Variants in EXT1 observed in about 807,000 individuals in gnomAD.
EXT1 encodes the protein exostosin glycosyltransferase 1.
A neutral mutation model predicts 82.5 loss-of-function variants in EXT1; 20 were observed. The observed-to-expected ratio is 0.24, with a 90% CI of 0.17 to 0.35. EXT1 has a LOEUF of 0.35. EXT1 is among the 10% of genes least tolerant of loss of function. The pLI, the probability that EXT1 is intolerant of heterozygous loss-of-function variation, is 1.00. For synonymous variants in EXT1, 348 were observed against 350.8 expected (o/e 0.99, Z 0.09); for missense variants, 757 against 936.5 (o/e 0.81, Z 2.50).
At chr8:118,058,660 T>C (rs1816833169) in intron 1 of EXT1, among the ~76,000 whole-genome samples, 1 of 152,168 alleles carries the variant, frequency 6.6e-6, no homozygotes, top group Admixed American at 6.5e-5. Context: ...ACTTTTTCCA[T>C]AAAATTTTCC....
intron 1 of EXT1, among the ~76,000 whole-genome samples, chr8:117,963,941 C>A (rs181093942): frequency 3.3e-5 from 5 of 152,136 alleles, no homozygotes; most frequent in African/African-American, 1.2e-4. Context: ...CAACCCACAT[C>A]CCCTCCCAAC....
At chr8:118,044,636 A>G (rs190298282) in intron 1 of EXT1, among the ~76,000 whole-genome samples, 202 of 152,144 alleles carry the variant, frequency 1.3e-3, no homozygotes, top group Admixed American at 3.4e-3. Flanking sequence ...CGAACTCCCA[A>G]CCTCAGGTGA....
At chr8:117,884,566 C>T (rs1813115329) in intron 1 of EXT1, among the ~76,000 whole-genome samples, 1 of 152,192 alleles carries the variant, frequency 6.6e-6, no homozygotes, top group South Asian at 2.1e-4. Flanking sequence ...ACACATCCTG[C>T]TTCAAATTAC....
chr8:117,960,847 C>T (rs568090349), intron 1 of EXT1, among the ~76,000 whole-genome samples: 1 of 152,224 alleles, frequency 6.6e-6, no homozygotes, highest in South Asian at 2.1e-4. Context: ...TGTTAGTGCA[C>T]TGAAGAGCTA....
chr8:117,900,987 T>C (rs1813436903), intron 1 of EXT1, among the ~76,000 whole-genome samples: 1 of 152,210 alleles, frequency 6.6e-6, no homozygotes. Context: ...GTACAAAGTC[T>C]CAGTCTTACA....
intron 4 of EXT1, 111 bp from the exon 5 acceptor site, chr8:117,822,708 C>T: frequency 1.7e-5 from 20 of 1,168,644 alleles, no homozygotes; most frequent in Non-Finnish European, 2.4e-5. Context: ...GTGACTCTAC[C>T]CTCCCTCCCA....
intron 3 of EXT1, 77 bp from the exon 4 acceptor site, chr8:117,830,426 G>T: frequency 5.2e-6 from 8 of 1,544,506 alleles, no homozygotes; most frequent in Non-Finnish European, 7.1e-6. Context: ...ACCCAACTGG[G>T]TTAGGCTTTT....
chr8:118,026,900 C>T (rs1453758021), intron 1 of EXT1, among the ~76,000 whole-genome samples: 11 of 152,136 alleles, frequency 7.2e-5, no homozygotes, highest in Non-Finnish European at 1.6e-4. Flanking sequence ...ATCAGATTGT[C>T]CAAGGTAATG....
At chr8:117,807,068 C>T (rs17474281) in intron 9 of EXT1, 149 bp downstream of exon 9, 4 of 874,334 alleles carry the variant, frequency 4.6e-6, no homozygotes, top group African/African-American at 3.3e-5. Flanking sequence ...TTCAAAAACA[C>T]ACATTTGACA....
intron 1 of EXT1, among the ~76,000 whole-genome samples, chr8:118,049,865 C>T (rs1234353948): frequency 2.0e-5 from 3 of 152,040 alleles, no homozygotes; most frequent in Admixed American, 6.5e-5. Flanking sequence ...AGGGCTCCCT[C>T]GCTGACTGTC....
At position 118,013,777 on chromosome 8, in the gene EXT1, A is replaced by G. The variant is rs542129569; in HGVS notation, c.962+96308T>C. Among the ~76,000 whole-genome samples the G allele has an allele frequency of 2.0e-4, 30 of 152,358 alleles. 1 individual carries two copies. The highest frequency in any genetic ancestry group is 2.0e-3 in the Admixed American group (30 of 15,306). ...GTATACTATGGTCCACTATTTTTAA[A>G]TGTAAGTATGTTCAAATATTTCATG... On this transcript the variant is annotated intron_variant, in intron 1 of 10. Coordinates refer to ENST00000378204, the MANE Select transcript of EXT1 (RefSeq NM_000127.3).
chr8:118,079,685 T>C lies in EXT1; in HGVS notation c.962+30400A>G, dbSNP rs905985699. 7.5e-5 allele frequency among the ~76,000 whole-genome samples: 9 copies of C among 119,840 alleles called. No individual in the cohort carries two copies. The East Asian group carries it at 2.3e-3, about 31-fold the overall frequency. 78.6% of individuals were successfully genotyped at this position (119,840 alleles called of 152,430 possible). ...CACCCCCACCCCACCCACTAATTAG[T>C]TTCTCAACATTCTGGAAGGCCAAAG... On this transcript the variant is annotated intron_variant, in intron 1 of 10. Transcript: ENST00000378204.
chr8:117,837,966 C>T (rs537199810), intron 1 of EXT1, among the ~76,000 whole-genome samples: 6 of 151,904 alleles, frequency 3.9e-5, no homozygotes, highest in African/African-American at 1.4e-4. Flanking sequence ...TTTTGCTTTT[C>T]GAAAAAACAT....
intron 1 of EXT1, among the ~76,000 whole-genome samples, chr8:118,044,818 C>T (rs17476728): frequency 0.059 from 9,041 of 152,184 alleles, 675 homozygotes; most frequent in African/African-American, 0.17. Context: ...GGACTACAGG[C>T]GCCCCACCGC....
intron 1 of EXT1, among the ~76,000 whole-genome samples, chr8:118,066,358 T>C (rs1816987331): frequency 6.6e-6 from 1 of 151,020 alleles, no homozygotes; most frequent in Non-Finnish European, 1.5e-5. Context: ...ATTTATTTAT[T>C]TATTTATTTA....
intron 1 of EXT1, among the ~76,000 whole-genome samples, chr8:118,037,072 C>T (rs1464478964): frequency 2.0e-5 from 3 of 152,100 alleles, no homozygotes; most frequent in South Asian, 4.2e-4. Context: ...CAAAAACACT[C>T]GAGAGACAAT....
rs561626137 is a variant in EXT1 at position 118,096,841 on chromosome 8, G to T, written c.962+13244C>A. Among the ~76,000 whole-genome samples the T allele has an allele frequency of 2.2e-4, 33 of 152,272 alleles. 1 individual carries two copies. In the South Asian group the frequency reaches 6.6e-3, roughly 31 times the overall value. On this transcript the variant is annotated intron_variant, in intron 1 of 10. Coordinates refer to ENST00000378204, the MANE Select transcript of EXT1 (RefSeq NM_000127.3). ...CACAATGAACTTGGAGTAGGAACAG[G>T]AATGCCTGAGCTACAAACCAAAGAC...
At chr8:117,857,943 AC>A (rs1812594543) in intron 1 of EXT1, among the ~76,000 whole-genome samples, 1 of 152,176 alleles carries the variant, frequency 6.6e-6, no homozygotes, top group Non-Finnish European at 1.5e-5. Context: ...TTCATAGATG[AC>A]TTTGTGGAGT....
In EXT1 at chr8:117,804,854, G is replaced by A; in HGVS notation, c.1923C>T (p.Ser641=). Reference sequence around the variant, plus strand: ...CCAATTGGTCCACCATGTTCTTCAGGCTGGCTGGCAGGTAATGGGAGTATA... The same window carrying A: ...CCAATTGGTCCACCATGTTCTTCAGACTGGCTGGCAGGTAATGGGAGTATA... The part of the protein sequence containing the change: ...HYLYSHYLPA[S]LKNMVDQLAN... The change falls in exon 10 of 11, where the codon AGC becomes AGT. Residue 641 remains serine (S), a synonymous_variant. Transcript: ENST00000378204. 3.1e-6 allele frequency: 5 copies of A among 1,614,064 alleles called. No individual in the cohort carries two copies. Among genetic ancestry groups the A allele is most frequent in the Non-Finnish European group, 3.4e-6 (4 of 1,179,944 alleles).
Sources: gnomAD v4.1 joint callset for allele counts (sites outside exome capture counted in the v4.1 genomes callset) on GRCh38, gnomAD v4.1.1 for gene constraint, MANE v1.5 for transcripts, NCBI Gene and HGNC (gene_info 2026-07-23, HGNC 2026-07-21) for gene names.